Variants in TRPV1 observed in about 807,000 individuals in gnomAD.
TRPV1 encodes the protein transient receptor potential cation channel subfamily V member 1, also known as OTRPC1.
TRPV1 carries 82 observed loss-of-function variants against 82.3 expected under a neutral mutation model. The ratio of observed to expected loss-of-function variants is 1.00; its 90% CI spans 0.83 to 1.20. The LOEUF (loss-of-function observed/expected upper bound fraction) is 1.20, where lower values mean the gene tolerates loss of function less well. Ranked by LOEUF, TRPV1 falls within the 50% of genes most tolerant of loss-of-function variation. TRPV1 has a pLI of 0.00. For synonymous variants in TRPV1, 515 were observed against 467.7 expected, an observed-to-expected ratio of 1.10 and a Z score of -1.30; for missense variants, 1,067 against 1,096.8, an observed-to-expected ratio of 0.97 and a Z score of 0.38.
chr17:3,592,787 T>A (rs1287187346), intron 2 of TRPV1: 1 of 173,976 alleles, frequency 5.7e-6, no homozygotes, highest in East Asian at 1.6e-4. Context: ...GTGGCTGTCG[T>A]GGGCTGAATT....
chr17:3,569,110 C>T (rs556521263), intron 16 of TRPV1, among the ~76,000 whole-genome samples: 1 of 152,084 alleles, frequency 6.6e-6, no homozygotes, highest in South Asian at 2.1e-4. Context: ...CACACCGGGG[C>T]CTGTTGTGGG....
intron 2 of TRPV1, among the ~76,000 whole-genome samples, chr17:3,605,733 T>C (rs1401508987): frequency 6.6e-6 from 1 of 152,130 alleles, no homozygotes; most frequent in East Asian, 1.9e-4. Flanking sequence ...GGTCTGTTTA[T>C]GTAACCAACT....
chr17:3,570,403 T>C (rs1243857474), intron 16 of TRPV1, among the ~76,000 whole-genome samples: 1 of 150,742 alleles, frequency 6.6e-6, no homozygotes, highest in Non-Finnish European at 1.5e-5. Flanking sequence ...TGGAAATAGA[T>C]AGTGGTGAGT....
chr17:3,587,854 A>G (rs1597537604), intron 8 of TRPV1, among the ~76,000 whole-genome samples: 1 of 40,484 alleles, frequency 2.5e-5, no homozygotes, highest in Non-Finnish European at 1.1e-4. Flanking sequence ...CCATCAAGTG[A>G]AAAAAAAAAA....
intron 2 of TRPV1, among the ~76,000 whole-genome samples, chr17:3,600,403 C>T (rs1259211240): frequency 6.6e-6 from 1 of 152,138 alleles, no homozygotes; most frequent in Non-Finnish European, 1.5e-5. Flanking sequence ...GCCTAGCCAA[C>T]ATAGTGGAAC....
chr17:3,577,074 G>T (rs1395512511), intron 13 of TRPV1, 52 bp downstream of exon 13: 19 of 1,537,350 alleles, frequency 1.2e-5, no homozygotes, highest in Non-Finnish European at 1.3e-5. Flanking sequence ...TCTTCAGAAG[G>T]CTCAGCCAAG....
rs202029970 is a variant in TRPV1, at chr17:3,589,840, C to T, written c.1011G>A (p.Pro337=). The T allele has an allele frequency of 2.0e-5, 33 of 1,613,564 alleles. No individual in the cohort carries two copies. Among genetic ancestry groups the T allele is most frequent in the African/African-American group, 4.0e-5 (3 of 74,934 alleles). The change falls in exon 7 of 17, where the codon CCG becomes CCA. Residue 337 remains proline, a synonymous_variant. Coordinates refer to ENST00000572705, the MANE Select transcript of TRPV1 (RefSeq NM_080704.4). ...EELTNKKGMT[P]LALAAGTGKI... is the part of the protein sequence containing the mutation. Reference sequence around the variant, plus strand: ...TCCCGGTCCCAGCTGCCAGAGCCAGCGGCGTCATTCCCTTCTTGTTGGTGA... The same window carrying T: ...TCCCGGTCCCAGCTGCCAGAGCCAGTGGCGTCATTCCCTTCTTGTTGGTGA...
At chr17:3,595,349 C>T (rs767217253) in intron 2 of TRPV1, among the ~76,000 whole-genome samples, 6 of 152,142 alleles carry the variant, frequency 3.9e-5, no homozygotes, top group Non-Finnish European at 8.8e-5. Flanking sequence ...GGCAGGCTGG[C>T]TCCAGAGCAT....
chr17:3,571,481 C>A, intron 16 of TRPV1, 43 bp downstream of exon 16: 1 of 1,478,194 alleles, frequency 6.8e-7, no homozygotes, highest in Non-Finnish European at 9.2e-7. Flanking sequence ...CAACATCAGG[C>A]CACCAGCCAA....
intron 9 of TRPV1, 97 bp downstream of exon 9, chr17:3,585,671 G>C: frequency 6.9e-7 from 1 of 1,445,060 alleles, no homozygotes; most frequent in Non-Finnish European, 9.3e-7. Flanking sequence ...GTCCAGGGCA[G>C]AGCCTGGGCC....
chr17:3,588,965 C>T (rs1465305534), intron 7 of TRPV1: 7 of 1,535,556 alleles, frequency 4.6e-6, no homozygotes, highest in Non-Finnish European at 6.1e-6. Flanking sequence ...TCTCGATAAC[C>T]TCAAGCCAGA....
chr17:3,591,651 G>C (rs2075159595), intron 3 of TRPV1, among the ~76,000 whole-genome samples: 1 of 152,172 alleles, frequency 6.6e-6, no homozygotes, highest in Non-Finnish European at 1.5e-5. Flanking sequence ...GCAGGAGCCT[G>C]GTGGGGACGG....
chr17:3,584,910 A>G (rs1397412746), intron 9 of TRPV1, among the ~76,000 whole-genome samples: 1 of 152,236 alleles, frequency 6.6e-6, no homozygotes, highest in Non-Finnish European at 1.5e-5. Context: ...AGTTTGATGA[A>G]GTCTTGGCTC....
rs202105022 is a variant in TRPV1 at position 3,583,342 on chromosome 17, C to T, written c.1472G>A (p.Arg491Gln). The T allele has an allele frequency of 1.9e-5, 30 of 1,607,078 alleles. No individual in the cohort carries two copies. The highest frequency in any genetic ancestry group is 2.2e-5 in the Non-Finnish European group (26 of 1,176,674). The change falls in exon 10 of 17, where the codon CGA (arginine) becomes CAA (glutamine). Residue 491 changes from arginine to glutamine, a missense_variant. Transcript: ENST00000572705. ...AATGTGGGAAGGAACGCTTACCCCT[C>T]GGAAAAAGAAGTAGACTCCTCCTAA... The part of the protein sequence containing the change: ...SVLGGVYFFF[R>Q]GIQYFLQRRP...
chr17:3,599,760 T>G (rs1136959), intron 2 of TRPV1, among the ~76,000 whole-genome samples: 1 of 151,928 alleles, frequency 6.6e-6, no homozygotes, highest in East Asian at 1.9e-4. Flanking sequence ...TCCCGAGTAG[T>G]TGGGATTACG....
rs200657408 is a variant in TRPV1, at chr17:3,583,472, G to A, written c.1384-42C>T. The A allele has an allele frequency of 8.5e-5, 125 of 1,473,110 alleles. No individual in the cohort carries two copies. In the Admixed American group the frequency reaches 1.6e-3, roughly 19 times the overall value. The allele number at this position is 1,473,110 out of a possible 1,614,324, so 91.3% of individuals were successfully genotyped here. Reference sequence around the variant, plus strand: ...AGTTGGTAACTCCATTTACTCATTCGTTCATTCAACAAACATGGACCAGGT... The same window carrying A: ...AGTTGGTAACTCCATTTACTCATTCATTCATTCAACAAACATGGACCAGGT... On this transcript the variant is annotated intron_variant, in intron 9 of 16. Coordinates refer to ENST00000572705, the MANE Select transcript of TRPV1 (RefSeq NM_080704.4).
chr17:3,603,540 C>T (rs2075278688), intron 2 of TRPV1, among the ~76,000 whole-genome samples: 1 of 152,124 alleles, frequency 6.6e-6, no homozygotes, highest in Admixed American at 6.6e-5. Flanking sequence ...AACACCTGCC[C>T]TACCTGCTTT....
At chr17:3,575,470 G>C (rs1434191341) in intron 13 of TRPV1, among the ~76,000 whole-genome samples, 1 of 136,196 alleles carries the variant, frequency 7.3e-6, no homozygotes, top group Non-Finnish European at 1.6e-5. Context: ...GCGACAGACA[G>C]AGACTCCTTC....
At chr17:3,568,226 G>T (rs2074800480) in intron 16 of TRPV1, among the ~76,000 whole-genome samples, 1 of 151,560 alleles carries the variant, frequency 6.6e-6, no homozygotes, top group Admixed American at 6.6e-5. Context: ...GGAGGCTGAA[G>T]CAGGAGAATG....
Sources: allele counts gnomAD v4.1 joint callset (sites outside exome capture counted in the v4.1 genomes callset), GRCh38; gene constraint gnomAD v4.1.1; transcripts MANE v1.5; gene names NCBI Gene and HGNC (gene_info 2026-07-23, HGNC 2026-07-21).